The following DPP6 variants were observed in gnomAD, a reference collection of about 807,000 sequenced individuals.
DPP6 encodes dipeptidyl peptidase like 6.
DPP6 carries 69 observed loss-of-function variants against 122.6 expected under a neutral mutation model. That is an observed-to-expected ratio of 0.56 (90% CI 0.46 to 0.69). The LOEUF (loss-of-function observed/expected upper bound fraction) is 0.69, where lower values mean the gene tolerates loss of function less well. Ranked by LOEUF, DPP6 falls within the 30% of genes least tolerant of loss-of-function variation. DPP6 has a pLI of 0.00. For synonymous variants in DPP6, 418 were observed against 433.1 expected, an observed-to-expected ratio of 0.97 and a Z score of 0.43; for missense variants, 928 against 1,116.9, an observed-to-expected ratio of 0.83 and a Z score of 2.41.
chr7:154,801,490 A>C (rs1798363455), intron 13 of DPP6, 28 bp downstream of exon 13: 3 of 1,544,576 alleles, frequency 1.9e-6, no homozygotes, highest in Non-Finnish European at 2.6e-6. Flanking sequence ...CCGGAGCTGA[A>C]CTAGAAACTG....
intron 8 of DPP6, among the ~76,000 whole-genome samples, chr7:154,759,937 T>C (rs1041575651): frequency 6.6e-6 from 1 of 152,142 alleles, no homozygotes. Context: ...TCCAGGCCAA[T>C]ATGGTGAAAC....
rs547496533 is a variant in DPP6, at chr7:153,943,967, C to T, written c.51+56233C>T. 4.6e-5 allele frequency among the ~76,000 whole-genome samples: 7 copies of T among 152,276 alleles called. No individual in the cohort carries two copies. In the East Asian group the frequency reaches 1.4e-3, roughly 29 times the overall value. ...GTGGAGTCTGCAGGGTTCACTCTTT[C>T]CTTCCCTCTCTCCTCAGATAGCTGC... On this transcript the variant is annotated intron_variant, in intron 1 of 25. Coordinates refer to the DPP6 transcript ENST00000404039.
intron 1 of DPP6, among the ~76,000 whole-genome samples, chr7:153,942,384 C>G (rs185993819): frequency 1.9e-4 from 29 of 152,316 alleles, no homozygotes; most frequent in African/African-American, 6.3e-4. Context: ...TTCATGACAT[C>G]CTCAATGACA....
intron 5 of DPP6, 100 bp from the exon 6 acceptor site, chr7:154,637,721 T>A: frequency 8.0e-7 from 1 of 1,248,900 alleles, no homozygotes; most frequent in Non-Finnish European, 1.1e-6. Context: ...TAGCTGCTTT[T>A]GGTTCACTGA....
chr7:153,878,958 G>A, the DPP6 span, among the ~76,000 whole-genome samples: 2 of 151,438 alleles, frequency 1.3e-5, no homozygotes, highest in Admixed American at 6.6e-5. Flanking sequence ...GGGGAGATGG[G>A]AAAAAAGGAA....
chr7:154,055,072 GATGTAAGTCCTGACATGCTT>G (rs904387079), intron 1 of DPP6, among the ~76,000 whole-genome samples: 9 of 146,532 alleles, frequency 6.1e-5, no homozygotes, highest in African/African-American at 2.0e-4. Flanking sequence ...CTCTAACTTA[GATGTAAGTCCTGACATGCTT>G]TTTTTTTTTT....
At chr7:153,887,865 C>T (rs1799005191) in intron 1 of DPP6, 26 of 1,032,276 alleles carry the variant, frequency 2.5e-5, no homozygotes, top group Non-Finnish European at 3.3e-5. Context: ...CGCGCGGCGG[C>T]GCTTCTCCCA....
the DPP6 span, among the ~76,000 whole-genome samples, chr7:153,841,456 G>A: frequency 9.7e-4 from 147 of 152,138 alleles, 1 homozygote; most frequent in South Asian, 0.011. Flanking sequence ...AGTTCAGGCC[G>A]CTCGAACTCA....
chr7:154,386,174 G>A (rs1158607888), intron 1 of DPP6, among the ~76,000 whole-genome samples: 2 of 152,056 alleles, frequency 1.3e-5, no homozygotes. Flanking sequence ...TCTGAAATCG[G>A]TATTATGAGG....
chr7:154,794,340 G>C, intron 11 of DPP6, 138 bp downstream of exon 11: 1 of 1,357,180 alleles, frequency 7.4e-7, no homozygotes. Flanking sequence ...GGGAGCCCGC[G>C]GCGCAGAGTC....
chr7:154,078,417 A>G (rs1803727878), intron 1 of DPP6, among the ~76,000 whole-genome samples: 1 of 151,980 alleles, frequency 6.6e-6, no homozygotes, highest in Admixed American at 6.6e-5. Flanking sequence ...AGACTCACAT[A>G]TATCTTTCAC....
At chr7:153,785,201 G>A in the DPP6 span, among the ~76,000 whole-genome samples, 2 of 152,152 alleles carry the variant, frequency 1.3e-5, no homozygotes, top group African/African-American at 4.8e-5. Flanking sequence ...ATCATGGACT[G>A]CCACAAACCC....
chr7:154,319,315 CTT>C (rs1807715774), intron 1 of DPP6, among the ~76,000 whole-genome samples: 3 of 152,172 alleles, frequency 2.0e-5, no homozygotes, highest in African/African-American at 7.2e-5. Flanking sequence ...GGTTAAAACT[CTT>C]TTTCTCTGCA....
chr7:153,810,586 T>C, the DPP6 span, among the ~76,000 whole-genome samples: 1 of 152,092 alleles, frequency 6.6e-6, no homozygotes, highest in African/African-American at 2.4e-5. Flanking sequence ...GAAATTTAAA[T>C]TGAATGATAT....
intron 1 of DPP6, among the ~76,000 whole-genome samples, chr7:153,959,922 T>A (rs1419005287): frequency 3.0e-5 from 2 of 66,598 alleles, no homozygotes; most frequent in African/African-American, 2.1e-4. Context: ...AGCATAATCA[T>A]TTCTAATTTT....
At chr7:154,171,358 T>A (rs887460549) in intron 1 of DPP6, among the ~76,000 whole-genome samples, 2 of 152,120 alleles carry the variant, frequency 1.3e-5, no homozygotes, top group Non-Finnish European at 2.9e-5. Flanking sequence ...TGGGGGTCAT[T>A]TAATACACGT....
the DPP6 span, among the ~76,000 whole-genome samples, chr7:153,828,309 C>A: frequency 6.6e-6 from 1 of 152,024 alleles, no homozygotes; most frequent in African/African-American, 2.4e-5. Context: ...GTGGTGGGGA[C>A]GCAGTTCCAT....
the DPP6 span, among the ~76,000 whole-genome samples, chr7:153,852,800 T>C: frequency 1.3e-5 from 2 of 152,376 alleles, no homozygotes; most frequent in African/African-American, 4.8e-5. Flanking sequence ...TTTTCTATTC[T>C]GCTCAATCGC....
At chr7:154,300,791 A>G (rs768400663) in intron 1 of DPP6, among the ~76,000 whole-genome samples, 44 of 152,314 alleles carry the variant, frequency 2.9e-4, no homozygotes, top group Non-Finnish European at 5.3e-4. Context: ...CATAAATGAA[A>G]TGGGGATAGT....
Sources: gnomAD v4.1 joint callset for allele counts (sites outside exome capture counted in the v4.1 genomes callset) on GRCh38, gnomAD v4.1.1 for gene constraint, MANE v1.5 for transcripts, NCBI Gene and HGNC (gene_info 2026-07-23, HGNC 2026-07-21) for gene names.